The following RANBP2 variants were observed in gnomAD, a reference collection of about 807,000 sequenced individuals.
RANBP2 encodes E3 SUMO-protein ligase RanBP2.
In RANBP2, 57 loss-of-function variants were observed where a neutral mutation model predicts 303.6. The observed-to-expected ratio is 0.19, with a 90% CI of 0.15 to 0.23. The LOEUF (loss-of-function observed/expected upper bound fraction) is 0.23. Among genes scored for constraint, RANBP2 ranks in the 10% least tolerant of loss-of-function variants. RANBP2 has a pLI of 1.00. For missense variants in RANBP2, 3,138 were observed against 3,780.8 expected, an observed-to-expected ratio of 0.83 and a Z score of 4.46; for synonymous variants, 1,167 against 1,301.5, an observed-to-expected ratio of 0.90 and a Z score of 2.23.
chr2:108,763,705 C>A lies in RANBP2; in HGVS notation c.3166C>A (p.Pro1056Thr). Residue 1056 changes from proline to threonine, a missense_variant, in exon 20 of 29, where the codon CCT becomes ACT. Pro to Thr is a conservative substitution (Grantham distance 38, BLOSUM62 -1). Coordinates refer to ENST00000283195, the MANE Select transcript of RANBP2 (RefSeq NM_006267.5). ...CTCACCACAGGTTGTGACACAGCCC[C>A]CTCCTGCAGCTTACAGTAACAGTGA... Reference protein sequence around the residue: ...FSSPQVVTQPPPAAYSNSESL... With the variant: ...FSSPQVVTQPTPAAYSNSESL... The A allele has an allele frequency of 6.2e-7, 1 of 1,614,096 alleles. No homozygotes were observed. The highest frequency in any genetic ancestry group is 1.3e-5 in the African/African-American group (1 of 75,024).
In RANBP2 at chr2:108,764,230, C is replaced by T. The variant is rs866098115; in HGVS notation, c.3691C>T (p.Arg1231Cys). The T allele has an allele frequency of 1.2e-6, 2 of 1,613,958 alleles. No homozygotes were observed. Among genetic ancestry groups the T allele is most frequent in the Non-Finnish European group, 8.5e-7 (1 of 1,179,964 alleles). The change falls in exon 20 of 29, where the codon CGC becomes TGC. Residue 1231 changes from arginine (R) to cysteine (C), a missense_variant. Physicochemically the swap from Arg to Cys is radical, Grantham distance 180 (BLOSUM62 -3). Transcript: ENST00000283195. Reference sequence around the variant, plus strand: ...GAGGCATAAAACATCTGGTAAAATTCGCCTTCTAATGAGACGAGAGCAAGT... The same window carrying T: ...GAGGCATAAAACATCTGGTAAAATTTGCCTTCTAATGAGACGAGAGCAAGT... ...ILRHKTSGKI[R>C]LLMRREQVLK...
At chr2:109,437,912 A>G in the RANBP2 span, among the ~76,000 whole-genome samples, 1 of 152,142 alleles carries the variant, frequency 6.6e-6, no homozygotes. Context: ...CGGTGGAGCC[A>G]GTGATGCTGA....
At chr2:109,354,612 TGATATGTGAGCTGC>T in the RANBP2 span, among the ~76,000 whole-genome samples, 3 of 152,244 alleles carry the variant, frequency 2.0e-5, no homozygotes, top group Non-Finnish European at 4.4e-5. Context: ...CCCAAATGCC[TGATATGTGAGCTGC>T]GATATTTGCC....
the RANBP2 span, among the ~76,000 whole-genome samples, chr2:108,943,262 T>C: frequency 6.6e-6 from 1 of 152,212 alleles, no homozygotes; most frequent in African/African-American, 2.4e-5. Context: ...CTAGAGCACC[T>C]GAGACGGGTC....
chr2:109,148,536 A>G, the RANBP2 span, among the ~76,000 whole-genome samples: 1 of 152,224 alleles, frequency 6.6e-6, no homozygotes, highest in South Asian at 2.1e-4. Flanking sequence ...GCTCTGGGGA[A>G]TATTACTGCT....
the RANBP2 span, among the ~76,000 whole-genome samples, chr2:109,572,332 A>C: frequency 1.3e-5 from 2 of 152,024 alleles, no homozygotes; most frequent in Non-Finnish European, 2.9e-5. Flanking sequence ...ACGGGGTTTC[A>C]CCGTGTTAGC....
chr2:109,704,059 C>A, the RANBP2 span, among the ~76,000 whole-genome samples: 2 of 152,180 alleles, frequency 1.3e-5, no homozygotes, highest in Non-Finnish European at 2.9e-5. Context: ...TAAATGACCT[C>A]TCTGCCCAGA....
At chr2:109,137,843 G>A in the RANBP2 span, among the ~76,000 whole-genome samples, 1 of 152,186 alleles carries the variant, frequency 6.6e-6, no homozygotes, top group Non-Finnish European at 1.5e-5. Flanking sequence ...AAGGGTCAAG[G>A]AATCCTTCAG....
chr2:109,188,356 A>C, the RANBP2 span, among the ~76,000 whole-genome samples: 3 of 152,138 alleles, frequency 2.0e-5, no homozygotes, highest in Admixed American at 2.0e-4. Context: ...TGTCTTCCTC[A>C]CAGTGATCAC....
At position 108,768,173 on chromosome 2, in the gene RANBP2, T is replaced by G. The variant is rs755481512; in HGVS notation, c.7634T>G (p.Phe2545Cys). 1 of 1,612,014 alleles carries G rather than the reference T, an allele frequency of 6.2e-7. No homozygotes were observed. Among genetic ancestry groups the G allele is most frequent in the Non-Finnish European group, 8.5e-7 (1 of 1,179,858 alleles). ...FGNSSATGSL[F>C]GFSFNAPLKS... Reference sequence around the variant, plus strand: ...AACAGTTCAGCCACTGGGTCTTTGTTTGGATTTAGTTTTAATGCACCTTTG... The same window carrying G: ...AACAGTTCAGCCACTGGGTCTTTGTGTGGATTTAGTTTTAATGCACCTTTG... Residue 2545 changes from phenylalanine to cysteine, a missense_variant, in exon 20 of 29, where the codon TTT becomes TGT. Physicochemically the swap from Phe to Cys is radical, Grantham distance 205. Coordinates refer to ENST00000283195, the MANE Select transcript of RANBP2 (RefSeq NM_006267.5).
the RANBP2 span, among the ~76,000 whole-genome samples, chr2:108,962,248 AC>A: frequency 6.6e-6 from 1 of 152,196 alleles, no homozygotes; most frequent in Non-Finnish European, 1.5e-5. Flanking sequence ...ACACATGTGA[AC>A]CAACGTTCAT....
At chr2:109,688,944 G>C in the RANBP2 span, among the ~76,000 whole-genome samples, 1 of 142,358 alleles carries the variant, frequency 7.0e-6, no homozygotes, top group Non-Finnish European at 1.5e-5. Context: ...AGTTTCACTC[G>C]TCACCCAGGC....
chr2:109,208,762 G>T, the RANBP2 span, among the ~76,000 whole-genome samples: 1 of 152,236 alleles, frequency 6.6e-6, no homozygotes, highest in Non-Finnish European at 1.5e-5. Context: ...AGGAAGTGAG[G>T]TCAAGGGAAT....
At chr2:109,302,370 G>A in the RANBP2 span, among the ~76,000 whole-genome samples, 1 of 152,220 alleles carries the variant, frequency 6.6e-6, no homozygotes, top group African/African-American at 2.4e-5. Context: ...TGAAATGCTT[G>A]CTGCTTCTGT....
At chr2:109,178,889 A>G in the RANBP2 span, among the ~76,000 whole-genome samples, 8 of 152,038 alleles carry the variant, frequency 5.3e-5, no homozygotes, top group Non-Finnish European at 1.5e-5. Flanking sequence ...CTTCATGGAA[A>G]CCTCCTGAGA....
chr2:109,515,723 G>T, the RANBP2 span, among the ~76,000 whole-genome samples: 6 of 152,232 alleles, frequency 3.9e-5, no homozygotes, highest in African/African-American at 1.4e-4. Flanking sequence ...TGGTTCTGCA[G>T]GTTGTACAGG....
At chr2:108,931,081 G>A in the RANBP2 span, 55 of 1,527,266 alleles carry the variant, frequency 3.6e-5, no homozygotes, top group African/African-American at 5.3e-4. Context: ...CACCCCAGCC[G>A]GGGGTCTGGC....
the RANBP2 span, among the ~76,000 whole-genome samples, chr2:109,268,586 GGA>G: frequency 6.6e-6 from 1 of 152,198 alleles, no homozygotes; most frequent in Admixed American, 6.5e-5. Flanking sequence ...CTCGCTCCAG[GGA>G]GAGGTCCCCC....
the RANBP2 span, among the ~76,000 whole-genome samples, chr2:108,961,747 A>G: frequency 6.6e-6 from 1 of 152,072 alleles, no homozygotes; most frequent in Non-Finnish European, 1.5e-5. Flanking sequence ...TTCCTGGAAG[A>G]GGTGAGAAGT....
Sources: gnomAD v4.1 joint callset for allele counts (sites outside exome capture counted in the v4.1 genomes callset) on GRCh38, gnomAD v4.1.1 for gene constraint, MANE v1.5 for transcripts, NCBI Gene and HGNC (gene_info 2026-07-23, HGNC 2026-07-21) for gene names.